AGAP1: variants seen among roughly 807,000 people sequenced by gnomAD.
The protein encoded by AGAP1 is ArfGAP with GTPase domain, ankyrin repeat and PH domain 1.
AGAP1 carries 29 observed loss-of-function variants against 105.3 expected under a neutral mutation model. The ratio of observed to expected loss-of-function variants is 0.28; its 90% CI spans 0.21 to 0.38. The LOEUF is 0.38. AGAP1 is among the 10% of genes least tolerant of loss of function. The pLI is 1.00. For synonymous variants in AGAP1, 509 were observed against 485.9 expected (o/e 1.05, Z -0.63); for missense variants, 998 against 1,165.1 (o/e 0.86, Z 2.09).
chr2:235,686,828 A>AGT (rs1427186511), intron 1 of AGAP1, among the ~76,000 whole-genome samples: 1 of 148,086 alleles, frequency 6.8e-6, no homozygotes, highest in Non-Finnish European at 1.5e-5. Flanking sequence ...TAATTAAAAT[A>AGT]ATTTTTTTTT....
intron 8 of AGAP1, among the ~76,000 whole-genome samples, chr2:235,802,278 AGGCCG>A (rs1415389725): frequency 6.6e-6 from 1 of 152,194 alleles, no homozygotes; most frequent in African/African-American, 2.4e-5. Context: ...ATCCATGAAG[AGGCCG>A]GGCAGGGCAG....
intron 13 of AGAP1, among the ~76,000 whole-genome samples, chr2:236,033,962 A>G (rs2057302619): frequency 6.6e-6 from 1 of 152,224 alleles, no homozygotes; most frequent in Non-Finnish European, 1.5e-5. Flanking sequence ...CACAGATTAA[A>G]CAAAGTGTGA....
At chr2:236,028,834 A>G (rs963881885) in intron 13 of AGAP1, among the ~76,000 whole-genome samples, 6 of 152,196 alleles carry the variant, frequency 3.9e-5, no homozygotes, top group African/African-American at 1.4e-4. Flanking sequence ...GATTAGTGAC[A>G]TTGTGGGGTT....
At chr2:235,695,899 G>A (rs1187734474) in intron 1 of AGAP1, among the ~76,000 whole-genome samples, 3 of 152,284 alleles carry the variant, frequency 2.0e-5, no homozygotes, top group African/African-American at 7.2e-5. Context: ...ACCCCTCTGT[G>A]ATGTAGTCTT....
chr2:235,540,052 G>A (rs889224124), intron 1 of AGAP1, among the ~76,000 whole-genome samples: 2 of 152,036 alleles, frequency 1.3e-5, no homozygotes, highest in African/African-American at 4.8e-5. Flanking sequence ...GAAGGGGTAG[G>A]CAGGATGGAC....
rs958730791 is a variant in AGAP1 at position 235,734,398 on chromosome 2, G to A, written c.311-6565G>A. On this transcript the variant is annotated intron_variant, in intron 3 of 17. Transcript: ENST00000304032. The surrounding 1 kb of genome is among the most constrained non-coding windows in gnomAD (Gnocchi z 5.3). ...GCTTGCATCTGCTGAAAGAACCGGGGTGGCCCCACTGCATCTTGATCAGAC... is the reference window on the plus strand; with the variant it reads ...GCTTGCATCTGCTGAAAGAACCGGGATGGCCCCACTGCATCTTGATCAGAC... 3.9e-5 allele frequency among the ~76,000 whole-genome samples: 6 copies of A among 152,058 alleles called. No individual in the cohort carries two copies. Among genetic ancestry groups the A allele is most frequent in the Admixed American group, 3.9e-4 (6 of 15,274 alleles).
intron 1 of AGAP1, among the ~76,000 whole-genome samples, chr2:235,532,111 G>A (rs1943063861): frequency 6.6e-6 from 1 of 152,220 alleles, no homozygotes; most frequent in African/African-American, 2.4e-5. Context: ...TGTGTTATAT[G>A]CAAATATGGA....
intron 1 of AGAP1, among the ~76,000 whole-genome samples, chr2:235,704,083 C>T (rs1014644696): frequency 2.6e-5 from 4 of 152,218 alleles, no homozygotes; most frequent in East Asian, 1.9e-4. Context: ...ACCCATTTCC[C>T]TCTGCGTCCT....
At chr2:235,686,614 G>GATATATATATATATATATATATATAT (rs1380519556) in intron 1 of AGAP1, among the ~76,000 whole-genome samples, 2 of 37,928 alleles carry the variant, frequency 5.3e-5, no homozygotes, top group Non-Finnish European at 1.0e-4. Flanking sequence ...TATACGTGGA[G>GATATATATATATATATATATATATAT]ATATAGATAT....
chr2:235,644,353 A>ATG (rs967642360), intron 1 of AGAP1, among the ~76,000 whole-genome samples: 9 of 152,074 alleles, frequency 5.9e-5, no homozygotes, highest in Admixed American at 4.6e-4. Context: ...CTCTTCACGG[A>ATG]TGTGTGTGTG....
At chr2:236,019,435 G>A (rs566231480) in intron 13 of AGAP1, among the ~76,000 whole-genome samples, 100 of 152,326 alleles carry the variant, frequency 6.6e-4, no homozygotes, top group African/African-American at 2.3e-3. Flanking sequence ...CATGGCCTGC[G>A]GGATGTGACA....
At chr2:235,941,853 G>GT (rs544085033) in intron 12 of AGAP1, among the ~76,000 whole-genome samples, 4 of 151,866 alleles carry the variant, frequency 2.6e-5, no homozygotes, top group Non-Finnish European at 4.4e-5. Flanking sequence ...TGTTGTTGGG[G>GT]GGGTAAGAAG....
In AGAP1 at chr2:236,087,397, C is replaced by T. The variant is rs957447234; in HGVS notation, c.2115-32795C>T. Among the ~76,000 whole-genome samples the T allele has an allele frequency of 1.3e-5, 2 of 152,196 alleles. No homozygotes were observed. The highest frequency in any genetic ancestry group is 1.3e-4 in the Admixed American group (2 of 15,286). On this transcript the variant is annotated intron_variant, in intron 16 of 17. Transcript: ENST00000304032. The surrounding 1 kb of genome is among the most constrained non-coding windows in gnomAD (Gnocchi z 5.7). Reference sequence around the variant, plus strand: ...GCCCTGCTCCAAGGACAGACAACCTCGTCTTGCAGGATCATTTACCTTTTA... The same window carrying T: ...GCCCTGCTCCAAGGACAGACAACCTTGTCTTGCAGGATCATTTACCTTTTA...
chr2:235,527,442 C>T (rs1261070608), intron 1 of AGAP1, among the ~76,000 whole-genome samples: 1 of 152,182 alleles, frequency 6.6e-6, no homozygotes, highest in African/African-American at 2.4e-5. Flanking sequence ...ACGATCATGG[C>T]TCTCTGTAGC....
Position 235,954,478 on chromosome 2 carries a change from C to T in AGAP1, c.1484-13984C>T, listed in dbSNP as rs565495526. 1.5e-3 allele frequency among the ~76,000 whole-genome samples: 233 copies of T among 150,910 alleles called. 1 individual carries two copies. The highest frequency in any genetic ancestry group is 5.2e-3 in the African/African-American group (213 of 40,974). On this transcript the variant is annotated intron_variant, in intron 12 of 17. Transcript: ENST00000304032. Reference sequence around the variant, plus strand: ...TGTATTTCCCAACATCCTCTCTCATCGTTCTCTAACTTTCTCCTTACAATG... The same window carrying T: ...TGTATTTCCCAACATCCTCTCTCATTGTTCTCTAACTTTCTCCTTACAATG...
At chr2:235,898,481 CACCCCCA>C (rs2050914613) in intron 10 of AGAP1, among the ~76,000 whole-genome samples, 1 of 107,468 alleles carries the variant, frequency 9.3e-6, no homozygotes, top group African/African-American at 3.1e-5. Context: ...TTCCCCCCCC[CACCCCCA>C]CCCCCGCCTG....
At chr2:235,654,248 C>G (rs1042258295) in intron 1 of AGAP1, among the ~76,000 whole-genome samples, 1 of 152,224 alleles carries the variant, frequency 6.6e-6, no homozygotes, top group Non-Finnish European at 1.5e-5. Flanking sequence ...CTTAGTGTAG[C>G]GTGGGTGTTT....
At position 235,919,427 on chromosome 2, in the gene AGAP1, C is replaced by T. The variant is rs1039720990; in HGVS notation, c.1324+10521C>T. Among the ~76,000 whole-genome samples, 4 of 152,142 alleles carry T rather than the reference C, an allele frequency of 2.6e-5. No individual in the cohort carries two copies. The highest frequency in any genetic ancestry group is 5.9e-5 in the Non-Finnish European group (4 of 68,036). On this transcript the variant is annotated intron_variant, in intron 11 of 17. Coordinates refer to ENST00000304032, the MANE Select transcript of AGAP1 (RefSeq NM_001037131.3). This position sits in a 1 kb window ranked among gnomAD's most constrained non-coding sequence, Gnocchi z 4.1. ...GTATTTCTAGGGAGTGGTCAAACCC[C>T]GTAACATCCCAACCAGCAAACCTGT... is the stretch of plus-strand genomic sequence containing the variant.
intron 12 of AGAP1, among the ~76,000 whole-genome samples, chr2:235,939,385 C>G (rs2053145975): frequency 6.6e-6 from 1 of 152,044 alleles, no homozygotes; most frequent in South Asian, 2.1e-4. Context: ...CTGAACTCAT[C>G]ACCTCTCATC....
Sources: gnomAD v4.1 joint callset for allele counts (sites outside exome capture counted in the v4.1 genomes callset) on GRCh38, gnomAD v4.1.1 for gene constraint, Gnocchi (gnomAD v3.1) non-coding constraint, MANE v1.5 for transcripts, NCBI Gene and HGNC (gene_info 2026-07-23, HGNC 2026-07-21) for gene names.